The following AKAP1 variants were observed in gnomAD, a reference collection of about 807,000 sequenced individuals.
The protein encoded by AKAP1 is A-kinase anchoring protein 1.
Under a neutral mutation model 79.8 loss-of-function variants are expected in AKAP1, and 32 were observed. That is an observed-to-expected ratio of 0.40 (90% CI 0.30 to 0.54). AKAP1 has a LOEUF of 0.54. Ranked by LOEUF, AKAP1 falls within the 20% of genes least tolerant of loss-of-function variation. The probability of loss-of-function intolerance (pLI) is 0.47; values close to 1 mark genes in which losing one functional copy is unlikely to be tolerated. For synonymous variants in AKAP1, 416 were observed against 466.7 expected, an observed-to-expected ratio of 0.89 and a Z score of 1.40; for missense variants, 961 against 1,138.9, an observed-to-expected ratio of 0.84 and a Z score of 2.25.
At chr17:57,109,944 G>GT in intron 2 of AKAP1, 81 bp from the exon 3 acceptor site, 1 of 1,559,962 alleles carries the variant, frequency 6.4e-7, no homozygotes, top group South Asian at 1.2e-5. Flanking sequence ...TCCTGGGAAT[G>GT]TGAGTTTGGG....
chr17:57,098,430 G>C (rs1158664632), intron 1 of AKAP1: 1 of 152,240 alleles, frequency 6.6e-6, no homozygotes, highest in East Asian at 1.9e-4. Context: ...GAGTAGGAAG[G>C]CTTTGGGGAC....
At chr17:57,089,600 G>A (rs1048964801) in intron 1 of AKAP1, among the ~76,000 whole-genome samples, 9 of 152,144 alleles carry the variant, frequency 5.9e-5, no homozygotes, top group Admixed American at 3.9e-4. Context: ...GGACAGCGCC[G>A]GCCTAGAAAG....
intron 1 of AKAP1, among the ~76,000 whole-genome samples, chr17:57,103,985 C>T (rs724754): frequency 0.4 from 60,520 of 151,654 alleles, 12,856 homozygotes; most frequent in East Asian, 0.79. Flanking sequence ...TCCTTCTGCT[C>T]GATATACTTC....
intron 10 of AKAP1, among the ~76,000 whole-genome samples, chr17:57,119,830 C>CTGTTGTTTT (rs1915809183): frequency 1.4e-5 from 1 of 70,290 alleles, no homozygotes. Flanking sequence ...CCCTGTTACT[C>CTGTTGTTTT]TTTTTTTTTT....
chr17:57,097,105 C>A (rs1424966573), intron 1 of AKAP1, among the ~76,000 whole-genome samples: 1 of 152,164 alleles, frequency 6.6e-6, no homozygotes, highest in Non-Finnish European at 1.5e-5. Context: ...ACCAGCACTT[C>A]AGCTCCTAGG....
At chr17:57,119,270 G>GC (rs1247777570) in intron 10 of AKAP1, among the ~76,000 whole-genome samples, 1 of 152,172 alleles carries the variant, frequency 6.6e-6, no homozygotes, top group African/African-American at 2.4e-5. Flanking sequence ...ATTCAGGACA[G>GC]CCCCCCACAG....
At chr17:57,119,080 G>C in intron 10 of AKAP1, 36 bp downstream of exon 10, 1 of 1,605,118 alleles carries the variant, frequency 6.2e-7, no homozygotes, top group Non-Finnish European at 8.5e-7. Flanking sequence ...TGTGTTGCTG[G>C]CCCGAAGTAA....
At chr17:57,107,936 T>C in intron 2 of AKAP1, 1 of 1,289,290 alleles carries the variant, frequency 7.8e-7, no homozygotes, top group Non-Finnish European at 1.0e-6. Flanking sequence ...GCCATTTTCT[T>C]TCTGTGCAGT....
At chr17:57,119,830 C>CTTTTTTTTTTTT (rs3054874) in intron 10 of AKAP1, among the ~76,000 whole-genome samples, 963 of 70,234 alleles carry the variant, frequency 0.014, 239 homozygotes, top group Admixed American at 0.026. Flanking sequence ...CCCTGTTACT[C>CTTTTTTTTTTTT]TTTTTTTTTT....
intron 3 of AKAP1, 90 bp downstream of exon 3, chr17:57,110,248 G>A (rs1469283969): frequency 2.0e-6 from 3 of 1,531,104 alleles, no homozygotes; most frequent in Non-Finnish European, 2.6e-6. Flanking sequence ...GAGGGGGCTG[G>A]GAGAGGGACA....
rs777988600 is a variant in AKAP1 at position 57,120,368 on chromosome 17, T to C, written c.*44T>C. 1.9e-5 allele frequency: 30 copies of C among 1,562,836 alleles called. No individual in the cohort carries two copies. The highest frequency in any genetic ancestry group is 2.5e-5 in the Non-Finnish European group (29 of 1,144,670). Reference sequence around the variant, plus strand: ...AGAGTCTTTTTTTGCACTGTTGAAATTGGGCTTGGCACTCAAGTCAAAGAT... The same window carrying C: ...AGAGTCTTTTTTTGCACTGTTGAAACTGGGCTTGGCACTCAAGTCAAAGAT... On this transcript the variant is annotated 3_prime_UTR_variant, in exon 11 of 11. Transcript: ENST00000337714.
At chr17:57,104,647 A>T (rs1179544402) in intron 1 of AKAP1, among the ~76,000 whole-genome samples, 1 of 152,272 alleles carries the variant, frequency 6.6e-6, no homozygotes, top group Non-Finnish European at 1.5e-5. Flanking sequence ...CCCTTGTGAT[A>T]GAGTGGATGA....
rs141194458 is a variant in AKAP1, at chr17:57,114,559, C to T, written c.2204C>T (p.Ala735Val). 127 of 1,614,074 alleles carry T rather than the reference C, an allele frequency of 7.9e-5. No homozygotes were observed. Among genetic ancestry groups the T allele is most frequent in the Middle Eastern group, 3.3e-4 (2 of 6,084 alleles). The change falls in exon 6 of 11, where the codon GCG (alanine) becomes GTG (valine). Residue 735 changes from alanine to valine, a missense_variant. Ala to Val is a moderately conservative substitution (Grantham distance 64). Transcript: ENST00000337714. ...CAGCACACACACCCTACCTTCCACGCGCTGCGCAGCCTCGACCAGCAGATG... is the reference window on the plus strand; with the variant it reads ...CAGCACACACACCCTACCTTCCACGTGCTGCGCAGCCTCGACCAGCAGATG... The part of the protein sequence containing the change: ...VQQHTHPTFH[A>V]LRSLDQQMYL...
At chr17:57,114,354 T>G (rs1370442946) in intron 5 of AKAP1, 105 bp from the exon 6 acceptor site, 1 of 1,424,232 alleles carries the variant, frequency 7.0e-7, no homozygotes, top group Non-Finnish European at 9.5e-7. Flanking sequence ...AGTTGCCCTT[T>G]TCAAAGATAT....
intron 3 of AKAP1, among the ~76,000 whole-genome samples, chr17:57,111,117 C>T (rs1915217764): frequency 6.6e-6 from 1 of 152,164 alleles, no homozygotes; most frequent in African/African-American, 2.4e-5. Context: ...AAAGGCTGTG[C>T]CTGAGGATGG....
Position 57,120,564 on chromosome 17 carries a change from G to T in AKAP1, c.*240G>T. Reference sequence around the variant, plus strand: ...GCCAGCTGGCTTATGCTGGTTCTCAGCTGTTTAAAAAAAAAAAAAAAAAGG... The same window carrying T: ...GCCAGCTGGCTTATGCTGGTTCTCATCTGTTTAAAAAAAAAAAAAAAAAGG... On this transcript the variant is annotated 3_prime_UTR_variant, in exon 11 of 11. Transcript: ENST00000337714. 1 of 310,470 alleles carries T rather than the reference G, an allele frequency of 3.2e-6. No homozygotes were observed. The highest frequency in any genetic ancestry group is 5.7e-6 in the Non-Finnish European group (1 of 174,362). The allele number at this position is 310,470 out of a possible 1,614,324, so 19.2% of individuals were successfully genotyped here. A position where few individuals can be genotyped will look rare whatever the true frequency, so the allele number is the denominator to read the frequency against.
In AKAP1 at chr17:57,115,973, G is replaced by A. The variant is rs558074455; in HGVS notation, c.2282-138G>A. 39 of 1,004,434 alleles carry A rather than the reference G, an allele frequency of 3.9e-5. No homozygotes were observed. In the African/African-American group the frequency reaches 3.9e-4, roughly 10 times the overall value. 62.2% of individuals were successfully genotyped at this position (1,004,434 alleles called of 1,614,324 possible). A position where few individuals can be genotyped will look rare whatever the true frequency, so the allele number is the denominator to read the frequency against. On this transcript the variant is annotated intron_variant, in intron 6 of 10. Coordinates refer to ENST00000337714, the MANE Select transcript of AKAP1 (RefSeq NM_003488.4). ...CTTGGGGGAGGCTTTGCTTGGGGCC[G>A]GTTGCTGTTCCTGTCCCCTGCACTG...
rs1429009118 is a variant in AKAP1, at chr17:57,121,062, C to T, written c.*738C>T. 2.0e-5 allele frequency: 3 copies of T among 152,526 alleles called. No homozygotes were observed. Among genetic ancestry groups the T allele is most frequent in the Admixed American group, 6.5e-5 (1 of 15,282 alleles). The allele number at this position is 152,526 out of a possible 1,614,324, so 9.4% of individuals were successfully genotyped here. A position where few individuals can be genotyped will look rare whatever the true frequency, so the allele number is the denominator to read the frequency against. ...AGAACAAAGGGAACTCAAGATTCTT[C>T]CAGCCACATGTCACCTGTAGGTAGA... On this transcript the variant is annotated 3_prime_UTR_variant, in exon 11 of 11. Coordinates refer to ENST00000337714, the MANE Select transcript of AKAP1 (RefSeq NM_003488.4).
chr17:57,095,110 C>G (rs1914016640), intron 1 of AKAP1: 2 of 152,202 alleles, frequency 1.3e-5, no homozygotes, highest in Non-Finnish European at 2.9e-5. Context: ...ATGGACAAAA[C>G]TTTCAGTTGG....
Sources: gnomAD v4.1 joint callset for allele counts (sites outside exome capture counted in the v4.1 genomes callset) on GRCh38, gnomAD v4.1.1 for gene constraint, MANE v1.5 for transcripts, NCBI Gene and HGNC (gene_info 2026-07-23, HGNC 2026-07-21) for gene names.